Variants in CFAP61 observed in about 807,000 individuals in gnomAD.
CFAP61 encodes cilia and flagella associated protein 61.
CFAP61 carries 107 observed loss-of-function variants against 135.6 expected under a neutral mutation model. The ratio of observed to expected loss-of-function variants is 0.79; its 90% CI spans 0.67 to 0.93. The LOEUF (loss-of-function observed/expected upper bound fraction) is 0.93, where lower values mean the gene tolerates loss of function less well. Among genes scored for constraint, CFAP61 ranks in the 40% least tolerant of loss-of-function variants. The probability of loss-of-function intolerance (pLI) is 0.00; values close to 1 mark genes in which losing one functional copy is unlikely to be tolerated. For missense variants in CFAP61, 1,507 were observed against 1,556.2 expected, an observed-to-expected ratio of 0.97 and a Z score of 0.53; for synonymous variants, 575 against 578.5, an observed-to-expected ratio of 0.99 and a Z score of 0.09.
chr20:20,192,530 C>G (rs1320604982), intron 15 of CFAP61, among the ~76,000 whole-genome samples: 1 of 152,076 alleles, frequency 6.6e-6, no homozygotes, highest in African/African-American at 2.4e-5. Flanking sequence ...CTTCATGATA[C>G]TCTTTTGGAT....
At chr20:20,092,105 C>T (rs886127358) in intron 7 of CFAP61, among the ~76,000 whole-genome samples, 1 of 152,204 alleles carries the variant, frequency 6.6e-6, no homozygotes, top group Non-Finnish European at 1.5e-5. Flanking sequence ...TCTGTTTCTT[C>T]AGCCTTTTTA....
chr20:20,159,504 C>A, intron 10 of CFAP61, 60 bp downstream of exon 10: 1 of 1,414,556 alleles, frequency 7.1e-7, no homozygotes, highest in Non-Finnish European at 1.0e-6. Context: ...TCACACCTTT[C>A]TACCTCAGAG....
intron 25 of CFAP61, 60 bp from the exon 26 acceptor site, chr20:20,341,771 T>C (rs2058452047): frequency 6.7e-6 from 8 of 1,194,314 alleles, no homozygotes; most frequent in Admixed American, 3.7e-5. Context: ...AGCAGGTAAA[T>C]ACTTTATTAG....
chr20:20,317,740 A>G (rs2057220314), intron 25 of CFAP61, among the ~76,000 whole-genome samples: 1 of 152,152 alleles, frequency 6.6e-6, no homozygotes, highest in African/African-American at 2.4e-5. Flanking sequence ...CTCTGAGGGC[A>G]GAATAGAACC....
chr20:20,103,572 G>A (rs2048171693), intron 8 of CFAP61, among the ~76,000 whole-genome samples: 1 of 152,140 alleles, frequency 6.6e-6, no homozygotes, highest in South Asian at 2.1e-4. Context: ...TTGTGTGGAA[G>A]ATTATACTGA....
intron 15 of CFAP61, among the ~76,000 whole-genome samples, chr20:20,192,104 T>C (rs2055960512): frequency 6.6e-6 from 1 of 152,122 alleles, no homozygotes. Context: ...TAATATTTAT[T>C]ATTAATATAA....
At chr20:20,130,968 G>A (rs1334826453) in intron 8 of CFAP61, among the ~76,000 whole-genome samples, 1 of 151,844 alleles carries the variant, frequency 6.6e-6, no homozygotes, top group East Asian at 1.9e-4. Context: ...CTCCTGCCAG[G>A]GAACCCAAGA....
chr20:20,195,808 G>A (rs2056241289), intron 15 of CFAP61, among the ~76,000 whole-genome samples: 1 of 152,162 alleles, frequency 6.6e-6, no homozygotes, highest in African/African-American at 2.4e-5. Flanking sequence ...GGCCAGGCAT[G>A]GTGGCTCACA....
At chr20:20,203,820 A>G (rs943141702) in intron 17 of CFAP61, among the ~76,000 whole-genome samples, 1 of 152,048 alleles carries the variant, frequency 6.6e-6, no homozygotes, top group African/African-American at 2.4e-5. Flanking sequence ...CTTCCAGTCT[A>G]GTTTCAGTAT....
At chr20:20,306,959 A>G (rs1344712531) in intron 25 of CFAP61, among the ~76,000 whole-genome samples, 3 of 152,174 alleles carry the variant, frequency 2.0e-5, no homozygotes, top group Admixed American at 6.5e-5. Flanking sequence ...CTGTTGACTC[A>G]TATCTGCAAT....
chr20:20,288,542 G>T, intron 22 of CFAP61, 67 bp from the exon 23 acceptor site: 1 of 1,263,348 alleles, frequency 7.9e-7, no homozygotes. Flanking sequence ...CTGGAGACTA[G>T]TCACACTTTT....
intron 7 of CFAP61, among the ~76,000 whole-genome samples, chr20:20,092,816 A>G (rs996232609): frequency 1.3e-5 from 2 of 152,252 alleles, no homozygotes; most frequent in Non-Finnish European, 2.9e-5. Flanking sequence ...TAGGAGGGTT[A>G]TAATAAAAAA....
At chr20:20,068,288 G>A (rs1019148825) in intron 2 of CFAP61, among the ~76,000 whole-genome samples, 1 of 152,258 alleles carries the variant, frequency 6.6e-6, no homozygotes, top group Non-Finnish European at 1.5e-5. Context: ...TTTAGAGGGA[G>A]CACTCTCAGC....
At chr20:20,302,970 T>C (rs1477344083) in intron 25 of CFAP61, among the ~76,000 whole-genome samples, 1 of 152,202 alleles carries the variant, frequency 6.6e-6, no homozygotes, top group African/African-American at 2.4e-5. Flanking sequence ...AAATTTAAAA[T>C]CATGAGCTTT....
chr20:20,084,153 AT>A (rs1417710831), intron 6 of CFAP61, among the ~76,000 whole-genome samples: 2 of 152,216 alleles, frequency 1.3e-5, no homozygotes, highest in Non-Finnish European at 2.9e-5. Context: ...AACACACTGC[AT>A]TCTCTATCAC....
intron 6 of CFAP61, among the ~76,000 whole-genome samples, chr20:20,082,431 C>T (rs1473313434): frequency 6.6e-6 from 1 of 152,182 alleles, no homozygotes; most frequent in East Asian, 1.9e-4. Flanking sequence ...CTGTTCTGTA[C>T]TTTTCATACT....
Position 20,277,296 on chromosome 20 carries a change from C to T in CFAP61, c.2634C>T (p.Asn878=), listed in dbSNP as rs768963910. Residue 878 remains asparagine, a synonymous_variant, in exon 22 of 27, where the codon AAC becomes AAT. Coordinates refer to ENST00000245957, the MANE Select transcript of CFAP61 (RefSeq NM_015585.4). Reference sequence around the variant, plus strand: ...CCGCCTCCACCATCACCTGCATCAACAACTACTCGGTGGAGAGCGCCGTGG... The same window carrying T: ...CCGCCTCCACCATCACCTGCATCAATAACTACTCGGTGGAGAGCGCCGTGG... ...PPPASTITCI[N]NYSVESAVAD... 1 of 1,614,196 alleles carries T rather than the reference C, an allele frequency of 6.2e-7. No homozygotes were observed. The highest frequency in any genetic ancestry group is 2.2e-5 in the East Asian group (1 of 44,884).
chr20:20,127,631 T>G (rs2050166529), intron 8 of CFAP61, among the ~76,000 whole-genome samples: 1 of 142,554 alleles, frequency 7.0e-6, no homozygotes, highest in African/African-American at 2.6e-5. Flanking sequence ...TGACGGTTGG[T>G]GGTGGGGTCG....
intron 8 of CFAP61, among the ~76,000 whole-genome samples, chr20:20,102,285 A>C (rs544163526): frequency 6.6e-6 from 1 of 152,180 alleles, no homozygotes; most frequent in Non-Finnish European, 1.5e-5. Context: ...AGACACTACT[A>C]GTTAGGTCTT....
Sources: gnomAD v4.1 joint callset for allele counts (sites outside exome capture counted in the v4.1 genomes callset) on GRCh38, gnomAD v4.1.1 for gene constraint, MANE v1.5 for transcripts, NCBI Gene and HGNC (gene_info 2026-07-23, HGNC 2026-07-21) for gene names.